The following DCK variants were observed in gnomAD, a reference collection of about 807,000 sequenced individuals.
The protein encoded by DCK is deoxycytidine kinase, also known as deoxyadenosine kinase.
Under a neutral mutation model 38.3 loss-of-function variants are expected in DCK, and 23 were observed. The ratio of observed to expected loss-of-function variants is 0.60; its 90% confidence interval spans 0.43 to 0.85. The LOEUF is 0.85. Ranked by LOEUF, DCK falls within the 40% of genes least tolerant of loss-of-function variation. The probability of loss-of-function intolerance (pLI) is 0.00; values close to 1 mark genes in which losing one functional copy is unlikely to be tolerated. For missense variants in DCK, 259 were observed against 304.4 expected (o/e 0.85, Z 1.11); for synonymous variants, 108 against 100.6 (o/e 1.07, Z -0.44).
intron 2 of DCK, among the ~76,000 whole-genome samples, chr4:71,000,318 G>A (rs574870020): frequency 5.3e-5 from 8 of 152,320 alleles, no homozygotes; most frequent in Non-Finnish European, 8.8e-5. Flanking sequence ...GTTTGTCAAA[G>A]ATCAGATGGT....
chr4:71,018,073 G>A (rs1038477018), intron 2 of DCK, among the ~76,000 whole-genome samples: 11 of 151,110 alleles, frequency 7.3e-5, no homozygotes, highest in South Asian at 2.1e-4. Context: ...TAACCTATTC[G>A]CTTAGCCTTG....
intron 2 of DCK, among the ~76,000 whole-genome samples, chr4:70,998,915 ACT>A (rs1224266066): frequency 1.1e-4 from 16 of 151,096 alleles, no homozygotes; most frequent in Non-Finnish European, 8.8e-5. Context: ...AGAATGAGAC[ACT>A]GTCTCAACAA....
chr4:70,994,294 C>T (rs1381036363), intron 1 of DCK, among the ~76,000 whole-genome samples: 1 of 152,232 alleles, frequency 6.6e-6, no homozygotes, highest in East Asian at 1.9e-4. Context: ...TGAGGTTTGA[C>T]AAACATTATG....
intron 2 of DCK, among the ~76,000 whole-genome samples, chr4:71,020,543 G>T (rs1338668447): frequency 2.6e-5 from 4 of 152,122 alleles, no homozygotes; most frequent in Non-Finnish European, 1.5e-5. Flanking sequence ...GATTCTTCAG[G>T]AAAGAAGACC....
intron 2 of DCK, among the ~76,000 whole-genome samples, chr4:71,011,872 ATATAT>A (rs34482223): frequency 0.023 from 3,489 of 152,312 alleles, 70 homozygotes; most frequent in African/African-American, 0.051. Flanking sequence ...GAAAATGGAC[ATATAT>A]TATAGAGAAC....
At chr4:71,022,592 G>T in intron 3 of DCK, 32 bp downstream of exon 3, 2 of 1,244,758 alleles carry the variant, frequency 1.6e-6, no homozygotes, top group South Asian at 2.6e-5. Context: ...GTGGCCATTT[G>T]AAGTTTTTAT....
intron 2 of DCK, among the ~76,000 whole-genome samples, chr4:70,999,409 T>G (rs1352112285): frequency 6.6e-6 from 1 of 152,268 alleles, no homozygotes; most frequent in Non-Finnish European, 1.5e-5. Flanking sequence ...ATTTTGTTTA[T>G]CCAGTCTATC....
intron 2 of DCK, among the ~76,000 whole-genome samples, chr4:71,015,304 CA>C (rs1035266931): frequency 6.6e-6 from 1 of 152,012 alleles, no homozygotes; most frequent in African/African-American, 2.4e-5. Flanking sequence ...GCCTGCCATC[CA>C]AAAAAAGTCC....
intron 1 of DCK, among the ~76,000 whole-genome samples, chr4:70,995,553 T>C (rs10019874): frequency 0.029 from 4,383 of 151,904 alleles, 94 homozygotes; most frequent in Middle Eastern, 0.058. Flanking sequence ...CACTCTAGCC[T>C]GGGTGACAGA....
In DCK at chr4:71,029,520, G is replaced by T. The variant is rs1245590475; in HGVS notation, c.*142G>T. Reference sequence around the variant, plus strand: ...TTTAAGGAAAAAAGATTTTTAAAATGAATCTTATGCAAAACTTTTTGACCA... The same window carrying T: ...TTTAAGGAAAAAAGATTTTTAAAATTAATCTTATGCAAAACTTTTTGACCA... On this transcript the variant is annotated 3_prime_UTR_variant, in exon 7 of 7. Coordinates refer to ENST00000286648, the MANE Select transcript of DCK (RefSeq NM_000788.3). 21 of 638,868 alleles carry T rather than the reference G, an allele frequency of 3.3e-5. No individual in the cohort carries two copies. Among genetic ancestry groups the T allele is most frequent in the East Asian group, 1.8e-4 (6 of 34,170 alleles). The allele number at this position is 638,868 out of a possible 1,614,324, so 39.6% of individuals were successfully genotyped here. A position where few individuals can be genotyped will look rare whatever the true frequency, so the allele number is the denominator to read the frequency against.
chr4:71,006,127 A>T (rs1739932945), intron 2 of DCK, among the ~76,000 whole-genome samples: 1 of 41,666 alleles, frequency 2.4e-5, no homozygotes, highest in African/African-American at 6.8e-5. Flanking sequence ...GAAAAAACAA[A>T]AACACCAAAA....
chr4:71,026,013 G>C (rs1158407285), intron 5 of DCK, 82 bp downstream of exon 5: 1 of 1,403,740 alleles, frequency 7.1e-7, no homozygotes, highest in Non-Finnish European at 9.3e-7. Flanking sequence ...TGGAAGATAT[G>C]ACTAGCAATA....
chr4:71,020,399 C>G (rs1023412702), intron 2 of DCK, among the ~76,000 whole-genome samples: 1 of 152,168 alleles, frequency 6.6e-6, no homozygotes, highest in Admixed American at 6.5e-5. Context: ...CAGATTGATT[C>G]ATCCGTTGTA....
chr4:70,998,212 G>C (rs752858119), intron 2 of DCK, 30 bp downstream of exon 2: 13 of 1,147,540 alleles, frequency 1.1e-5, no homozygotes, highest in Middle Eastern at 2.0e-4. Context: ...GTAGATAAAA[G>C]CCTCTTGGTT....
At chr4:70,994,181 C>T (rs1739607420) in intron 1 of DCK, among the ~76,000 whole-genome samples, 1 of 152,204 alleles carries the variant, frequency 6.6e-6, no homozygotes, top group South Asian at 2.1e-4. Flanking sequence ...TGAACCTCTG[C>T]TCCCTCTTTG....
At chr4:71,016,889 T>G (rs998248325) in intron 2 of DCK, among the ~76,000 whole-genome samples, 1 of 152,208 alleles carries the variant, frequency 6.6e-6, no homozygotes, top group African/African-American at 2.4e-5. Flanking sequence ...ACTTCATGTC[T>G]AAAACACCAA....
At chr4:70,998,645 C>A (rs1382433194) in intron 2 of DCK, among the ~76,000 whole-genome samples, 1 of 151,984 alleles carries the variant, frequency 6.6e-6, no homozygotes, top group Non-Finnish European at 1.5e-5. Context: ...GCATTGAGGC[C>A]GGGGTTGGTG....
intron 2 of DCK, among the ~76,000 whole-genome samples, chr4:70,998,925 CAA>C (rs1209192017): frequency 1.4e-4 from 13 of 95,082 alleles, no homozygotes; most frequent in Non-Finnish European, 1.2e-4. Flanking sequence ...ACTGTCTCAA[CAA>C]AAAAAAAAAA....
At chr4:71,022,663 C>G (rs539085364) in intron 3 of DCK, 103 bp downstream of exon 3, 8 of 596,284 alleles carry the variant, frequency 1.3e-5, no homozygotes, top group African/African-American at 1.2e-4. Context: ...TAATGAATGG[C>G]TGAGCTGGGG....
Sources: allele counts gnomAD v4.1 joint callset (sites outside exome capture counted in the v4.1 genomes callset), GRCh38; gene constraint gnomAD v4.1.1; transcripts MANE v1.5; gene names NCBI Gene and HGNC (gene_info 2026-07-23, HGNC 2026-07-21).